The following BMP6 variants were observed in gnomAD, a reference collection of about 807,000 sequenced individuals.
BMP6 encodes the protein VG-1-R.
BMP6 carries 17 observed loss-of-function variants against 54.1 expected under a neutral mutation model. The observed-to-expected ratio is 0.31, with a 90% CI of 0.22 to 0.47. BMP6 has a LOEUF of 0.47. Ranked by LOEUF, BMP6 falls within the 20% of genes least tolerant of loss-of-function variation. The pLI is 1.00. For synonymous variants in BMP6, 328 were observed against 291.2 expected, an observed-to-expected ratio of 1.13 and a Z score of -1.28; for missense variants, 720 against 690.4, an observed-to-expected ratio of 1.04 and a Z score of -0.48.
intron 1 of BMP6, among the ~76,000 whole-genome samples, chr6:7,809,561 A>G (rs375718531): frequency 8.7e-4 from 132 of 152,346 alleles, no homozygotes; most frequent in African/African-American, 3.0e-3. Context: ...TTAAATGCAG[A>G]CTAACTGCTT....
At chr6:7,786,686 C>T (rs1459562666) in intron 1 of BMP6, among the ~76,000 whole-genome samples, 1 of 151,988 alleles carries the variant, frequency 6.6e-6, no homozygotes, top group Non-Finnish European at 1.5e-5. Context: ...ACAGACAGCC[C>T]CCAGTGACAA....
At chr6:7,796,148 A>G (rs1446094135) in intron 1 of BMP6, among the ~76,000 whole-genome samples, 1 of 152,220 alleles carries the variant, frequency 6.6e-6, no homozygotes, top group Non-Finnish European at 1.5e-5. Flanking sequence ...AGAAGCAAGC[A>G]GTGAAGAGGA....
intron 4 of BMP6, among the ~76,000 whole-genome samples, chr6:7,865,328 T>C (rs1667382410): frequency 1.3e-5 from 2 of 152,134 alleles, no homozygotes; most frequent in Admixed American, 1.3e-4. Flanking sequence ...CTTTCAGTAG[T>C]ACAAAGGCAA....
At chr6:7,845,793 ATT>A (rs75253096) in intron 2 of BMP6, among the ~76,000 whole-genome samples, 1 of 146,240 alleles carries the variant, frequency 6.8e-6, no homozygotes, top group East Asian at 2.0e-4. Flanking sequence ...TGTGTGATGT[ATT>A]TTTTTTTTTT....
intron 2 of BMP6, among the ~76,000 whole-genome samples, chr6:7,851,510 G>A (rs144063426): frequency 9.6e-4 from 146 of 152,228 alleles, no homozygotes; most frequent in African/African-American, 3.4e-3. Context: ...TGGAATTTCT[G>A]TGAATATAAT....
chr6:7,856,120 T>TAAAAAAAAAAAAAAA (rs56264814), intron 2 of BMP6, among the ~76,000 whole-genome samples: 6 of 83,652 alleles, frequency 7.2e-5, no homozygotes, highest in Non-Finnish European at 1.1e-4. Flanking sequence ...TCAAAGACTG[T>TAAAAAAAAAAAAAAA]AAAAAAAAAA....
intron 1 of BMP6, among the ~76,000 whole-genome samples, chr6:7,745,419 G>A (rs917294641): frequency 1.3e-5 from 2 of 152,102 alleles, no homozygotes; most frequent in African/African-American, 2.4e-5. Context: ...GGCTACAGGC[G>A]TATACCACCA....
At chr6:7,861,715 C>T in intron 3 of BMP6, 116 bp downstream of exon 3, 3 of 1,401,788 alleles carry the variant, frequency 2.1e-6, no homozygotes, top group Non-Finnish European at 2.0e-6. Flanking sequence ...TTCAGGATGG[C>T]CTCATTTACT....
rs1761910463 is a variant in BMP6 at position 7,733,694 on chromosome 6, T to A, written c.664+6075T>A. On this transcript the variant is annotated intron_variant, in intron 1 of 6. Coordinates refer to ENST00000283147, the MANE Select transcript of BMP6 (RefSeq NM_001718.6). ...TTCATCACGACAGCGGAGTTAACTTTATTCAAATACACTTTCTTTTCTGAT... is the reference window on the plus strand; with the variant it reads ...TTCATCACGACAGCGGAGTTAACTTAATTCAAATACACTTTCTTTTCTGAT... 2.0e-5 allele frequency among the ~76,000 whole-genome samples: 3 copies of A among 152,226 alleles called. No homozygotes were observed. In the South Asian group the frequency reaches 6.2e-4, roughly 32 times the overall value.
At chr6:7,777,646 C>T (rs77239973) in intron 1 of BMP6, among the ~76,000 whole-genome samples, 3,960 of 150,054 alleles carry the variant, frequency 0.026, 70 homozygotes, top group Non-Finnish European at 0.042. Context: ...AACACATAAA[C>T]CAAATGAAGA....
chr6:7,728,349 T>A (rs1761786281), intron 1 of BMP6, among the ~76,000 whole-genome samples: 2 of 152,212 alleles, frequency 1.3e-5, no homozygotes, highest in Admixed American at 1.3e-4. Flanking sequence ...CAGCCCAAGC[T>A]GCACGGGCAG....
chr6:7,731,538 CCA>C lies in BMP6; in HGVS notation c.664+3921_664+3922del, dbSNP rs773889213. 2.6e-5 allele frequency among the ~76,000 whole-genome samples: 4 copies of C among 152,332 alleles called. No individual in the cohort carries two copies. The South Asian group carries it at 8.3e-4, about 32-fold the overall frequency. On this transcript the variant is annotated intron_variant, in intron 1 of 6. Coordinates refer to ENST00000283147, the MANE Select transcript of BMP6 (RefSeq NM_001718.6). The stretch of plus-strand genomic sequence containing the variant: ...CTCCAAAGGCGGAAACCACGCTAAC[CCA>C]CCACAGTAGCCCAAGTGCCTAACAT...
intron 2 of BMP6, among the ~76,000 whole-genome samples, chr6:7,856,118 T>C (rs892408419): frequency 3.9e-4 from 9 of 22,804 alleles, no homozygotes; most frequent in Admixed American, 1.7e-3. Context: ...TATCAAAGAC[T>C]GTAAAAAAAA....
intron 4 of BMP6, among the ~76,000 whole-genome samples, chr6:7,876,127 G>A (rs939936082): frequency 6.6e-6 from 1 of 152,178 alleles, no homozygotes; most frequent in Non-Finnish European, 1.5e-5. Context: ...CAAAAGCTGG[G>A]TAGCAAAAGC....
chr6:7,828,293 T>C (rs947473488), intron 1 of BMP6, among the ~76,000 whole-genome samples: 1 of 152,220 alleles, frequency 6.6e-6, no homozygotes, highest in Non-Finnish European at 1.5e-5. Flanking sequence ...AGCATTTTGT[T>C]GTGTTTTTGC....
intron 1 of BMP6, among the ~76,000 whole-genome samples, chr6:7,741,447 C>T (rs1312314036): frequency 6.6e-6 from 1 of 150,662 alleles, no homozygotes; most frequent in African/African-American, 2.4e-5. Context: ...AGGCGTGTAC[C>T]ACCATGCCTG....
intron 1 of BMP6, among the ~76,000 whole-genome samples, chr6:7,815,538 C>T (rs1014329011): frequency 6.6e-6 from 1 of 152,170 alleles, no homozygotes; most frequent in African/African-American, 2.4e-5. Flanking sequence ...TGCTAAGTTA[C>T]TTTTGCTAAG....
In BMP6 at chr6:7,753,885, C is replaced by A. The variant is rs543386869; in HGVS notation, c.664+26266C>A. Among the ~76,000 whole-genome samples, 505 of 152,126 alleles carry A rather than the reference C, an allele frequency of 3.3e-3. 2 individuals carry two copies. The highest frequency in any genetic ancestry group is 3.8e-3 in the Non-Finnish European group (258 of 68,004). ...TATTTAGAAGTATGCTGTTTAATTT[C>A]GAAATATTTGGGGATTTACTGATTT... On this transcript the variant is annotated intron_variant, in intron 1 of 6. Transcript: ENST00000283147.
chr6:7,832,788 A>G (rs1758812144), intron 1 of BMP6, among the ~76,000 whole-genome samples: 1 of 149,536 alleles, frequency 6.7e-6, no homozygotes, highest in Admixed American at 6.7e-5. Context: ...GTTCTGTAAC[A>G]GTCTCAATCC....
Sources: gnomAD v4.1 joint callset for allele counts (sites outside exome capture counted in the v4.1 genomes callset) on GRCh38, gnomAD v4.1.1 for gene constraint, MANE v1.5 for transcripts, NCBI Gene and HGNC (gene_info 2026-07-23, HGNC 2026-07-21) for gene names.